The following SCAI variants were observed in gnomAD, a reference collection of about 807,000 sequenced individuals.
The protein encoded by SCAI is suppressor of cancer cell invasion.
In SCAI, 24 loss-of-function variants were observed where a neutral mutation model predicts 92.2. The ratio of observed to expected loss-of-function variants is 0.26; its 90% CI spans 0.19 to 0.37. The LOEUF (loss-of-function observed/expected upper bound fraction) is 0.37, where lower values mean the gene tolerates loss of function less well. SCAI is among the 10% of genes least tolerant of loss of function. The pLI, the probability that SCAI is intolerant of heterozygous loss-of-function variation, is 1.00. For synonymous variants in SCAI, 261 were observed against 258.6 expected (o/e 1.01, Z -0.09); for missense variants, 450 against 736.2 (o/e 0.61, Z 4.50).
intron 2 of SCAI, among the ~76,000 whole-genome samples, chr9:125,066,459 TATTTA>T (rs796526229): frequency 8.4e-6 from 1 of 118,474 alleles, no homozygotes; most frequent in Non-Finnish European, 1.9e-5. Context: ...TTTATTTATT[TATTTA>T]TTTTTTTTTG....
chr9:124,991,833 T>C (rs1000959432), intron 14 of SCAI, among the ~76,000 whole-genome samples: 4 of 152,134 alleles, frequency 2.6e-5, no homozygotes, highest in African/African-American at 9.7e-5. Context: ...CAAGACTCTG[T>C]CTCAAAAACA....
chr9:125,117,754 T>C (rs1306542017), intron 2 of SCAI, among the ~76,000 whole-genome samples: 1 of 152,064 alleles, frequency 6.6e-6, no homozygotes, highest in African/African-American at 2.4e-5. Context: ...TTTCATTTAT[T>C]TTATGGGACT....
chr9:125,060,501 T>C (rs953973048), intron 2 of SCAI, among the ~76,000 whole-genome samples: 2 of 152,210 alleles, frequency 1.3e-5, no homozygotes, highest in Non-Finnish European at 2.9e-5. Flanking sequence ...TCTTTCAGTA[T>C]GCTAGTGATA....
intron 2 of SCAI, among the ~76,000 whole-genome samples, chr9:125,127,265 T>G (rs1835296839): frequency 6.6e-6 from 1 of 152,106 alleles, no homozygotes; most frequent in African/African-American, 2.4e-5. Flanking sequence ...AAAATCAACC[T>G]TCCACCCTTC....
At chr9:124,960,541 C>T (rs1322891361) in intron 17 of SCAI, among the ~76,000 whole-genome samples, 2 of 152,166 alleles carry the variant, frequency 1.3e-5, no homozygotes, top group Non-Finnish European at 2.9e-5. Context: ...ATCTCAAGCA[C>T]AATGCAATGC....
intron 2 of SCAI, among the ~76,000 whole-genome samples, chr9:125,116,910 TC>T (rs1329284809): frequency 7.9e-5 from 12 of 152,214 alleles, no homozygotes; most frequent in African/African-American, 2.2e-4. Context: ...ATTTACCCTT[TC>T]ACTTATCATA....
At chr9:125,069,693 G>A (rs1228175869) in intron 2 of SCAI, among the ~76,000 whole-genome samples, 1 of 127,422 alleles carries the variant, frequency 7.8e-6, no homozygotes, top group Non-Finnish European at 1.6e-5. Context: ...GCATGATCTT[G>A]GCTCACTGCA....
intron 17 of SCAI, among the ~76,000 whole-genome samples, chr9:124,955,660 GA>G (rs1391298681): frequency 1.4e-5 from 2 of 144,756 alleles, no homozygotes; most frequent in African/African-American, 5.1e-5. Context: ...ATACATAAGT[GA>G]AAAAAAAAGA....
chr9:124,999,827 T>C, intron 13 of SCAI, 64 bp downstream of exon 13: 3 of 829,812 alleles, frequency 3.6e-6, no homozygotes, highest in Non-Finnish European at 3.9e-6. Context: ...TTTTACTTAA[T>C]ATTTTTTCTA....
chr9:124,954,101 C>G (rs1396511280), intron 17 of SCAI, among the ~76,000 whole-genome samples: 1 of 151,448 alleles, frequency 6.6e-6, no homozygotes, highest in Non-Finnish European at 1.5e-5. Flanking sequence ...CGGGCCTCCC[C>G]AAGTGCTGGG....
chr9:125,120,747 G>A (rs1016218627), intron 2 of SCAI, among the ~76,000 whole-genome samples: 2 of 152,018 alleles, frequency 1.3e-5, no homozygotes, highest in South Asian at 2.1e-4. Flanking sequence ...GGTGGCATAC[G>A]CCTGTAGTTC....
intron 2 of SCAI, among the ~76,000 whole-genome samples, chr9:125,063,018 C>CAAA (rs71374223): frequency 1.3e-4 from 11 of 85,606 alleles, no homozygotes; most frequent in Non-Finnish European, 1.7e-4. Flanking sequence ...GACTCCGTCT[C>CAAA]AAAAAAAAAA....
chr9:124,997,915 GA>G (rs1173390108), intron 13 of SCAI, among the ~76,000 whole-genome samples: 1 of 150,174 alleles, frequency 6.7e-6, no homozygotes, highest in Non-Finnish European at 1.5e-5. Context: ...AAAAGAAAAA[GA>G]ACTTTTGTAG....
rs1180183759 is a variant in SCAI, at chr9:124,943,088, AG to A, written c.*9718del. ...TAACCATAACAGACAAAGAAGAAAA[AG>A]GCTGCTGGAAAGGAAGAAAAAAACA... On this transcript the variant is annotated 3_prime_UTR_variant, in exon 18 of 18. Transcript: ENST00000336505. 1 of 152,212 alleles carries A rather than the reference AG, an allele frequency of 6.6e-6. No homozygotes were observed. The highest frequency in any genetic ancestry group is 1.5e-5 in the Non-Finnish European group (1 of 68,026). The allele number at this position is 152,212 out of a possible 1,614,324, so 9.4% of individuals were successfully genotyped here.
At chr9:125,089,074 A>G (rs1834378311) in intron 2 of SCAI, among the ~76,000 whole-genome samples, 1 of 152,206 alleles carries the variant, frequency 6.6e-6, no homozygotes, top group South Asian at 2.1e-4. Flanking sequence ...TATCCAAAAC[A>G]TTCCCAACCC....
At chr9:125,108,925 A>G (rs1378394607) in intron 2 of SCAI, among the ~76,000 whole-genome samples, 4 of 152,216 alleles carry the variant, frequency 2.6e-5, no homozygotes, top group East Asian at 3.8e-4. Context: ...AAAAGGGGGA[A>G]ATGTGGGGAA....
At chr9:124,986,017 C>T (rs536273526) in intron 14 of SCAI, among the ~76,000 whole-genome samples, 5 of 151,984 alleles carry the variant, frequency 3.3e-5, no homozygotes, top group South Asian at 2.1e-4. Context: ...AGTGTCCGGG[C>T]GCGGTGGCTC....
In SCAI at chr9:124,955,404, T is replaced by C. The variant is rs986085708; in HGVS notation, c.1675-2451A>G. On this transcript the variant is annotated intron_variant, in intron 17 of 17. Coordinates refer to ENST00000336505, the MANE Select transcript of SCAI (RefSeq NM_001144877.3). ...ACATAGCAAGACACTGTCTCAAAAA[T>C]TTAAAATAAATAAGGCCGGGTGTGA... Among the ~76,000 whole-genome samples the C allele has an allele frequency of 4.0e-5, 6 of 151,118 alleles. No homozygotes were observed. The East Asian group carries it at 1.2e-3, about 30-fold the overall frequency.
At chr9:124,992,902 C>T (rs1251875243) in intron 14 of SCAI, among the ~76,000 whole-genome samples, 1 of 152,142 alleles carries the variant, frequency 6.6e-6, no homozygotes, top group African/African-American at 2.4e-5. Flanking sequence ...CTTTAAAAGT[C>T]GGCATCCAAC....
Sources: allele counts gnomAD v4.1 joint callset (sites outside exome capture counted in the v4.1 genomes callset), GRCh38; gene constraint gnomAD v4.1.1; transcripts MANE v1.5; gene names NCBI Gene and HGNC (gene_info 2026-07-23, HGNC 2026-07-21).